B3GALT1: variants seen among roughly 807,000 people sequenced by gnomAD.
B3GALT1 encodes the protein beta-1,3-galactosyltransferase 1.
Under a neutral mutation model 23.2 loss-of-function variants are expected in B3GALT1, and 10 were observed. The observed-to-expected ratio is 0.43, with a 90% CI of 0.27 to 0.73. The LOEUF (loss-of-function observed/expected upper bound fraction) is 0.73. B3GALT1 is among the 30% of genes least tolerant of loss of function. The pLI, the probability that B3GALT1 is intolerant of heterozygous loss-of-function variation, is 0.21. For synonymous variants in B3GALT1, 156 were observed against 141.5 expected (o/e 1.10, Z -0.73); for missense variants, 299 against 405.4 (o/e 0.74, Z 2.25).
intron 3 of B3GALT1, among the ~76,000 whole-genome samples, chr2:167,735,194 T>C (rs1177471943): frequency 6.6e-6 from 1 of 152,212 alleles, no homozygotes; most frequent in East Asian, 1.9e-4. Flanking sequence ...AGAAATAGCT[T>C]AGGTCAGCTA....
intron 3 of B3GALT1, among the ~76,000 whole-genome samples, chr2:167,727,381 G>A (rs190087041): frequency 1.1e-4 from 16 of 152,198 alleles, no homozygotes; most frequent in African/African-American, 2.9e-4. Flanking sequence ...CTAAAGACCT[G>A]AATTTAATCA....
intron 3 of B3GALT1, among the ~76,000 whole-genome samples, chr2:167,688,077 CACTATACATATTTGTCTACAGTTTG>C (rs1686646196): frequency 6.6e-6 from 1 of 152,006 alleles, no homozygotes. Context: ...AATATAATCA[CACTATACATATTTGTCTACAGTTTG>C]ATAGCTTAAA....
intron 1 of B3GALT1, among the ~76,000 whole-genome samples, chr2:167,350,891 T>C (rs1280584006): frequency 2.0e-5 from 3 of 152,238 alleles, no homozygotes; most frequent in African/African-American, 7.2e-5. Flanking sequence ...ATCTCTTCCC[T>C]GGGTATTCCT....
chr2:167,371,189 ATT>A (rs544507824), intron 1 of B3GALT1, among the ~76,000 whole-genome samples: 1 of 147,284 alleles, frequency 6.8e-6, no homozygotes. Flanking sequence ...AGGGCAGGTG[ATT>A]TTTTTTTTTT....
At chr2:167,686,274 A>ATACT (rs1686615200) in intron 3 of B3GALT1, among the ~76,000 whole-genome samples, 1 of 152,230 alleles carries the variant, frequency 6.6e-6, no homozygotes, top group African/African-American at 2.4e-5. Context: ...CCACAGTTAT[A>ATACT]TACTAGGTTA....
At chr2:167,580,605 G>C (rs1201592685) in intron 2 of B3GALT1, among the ~76,000 whole-genome samples, 1 of 152,086 alleles carries the variant, frequency 6.6e-6, no homozygotes, top group Non-Finnish European at 1.5e-5. Flanking sequence ...ACCACTCTCT[G>C]TTGGGCCTGA....
chr2:167,382,306 TTTTG>T (rs1267841287), intron 1 of B3GALT1, among the ~76,000 whole-genome samples: 1 of 151,986 alleles, frequency 6.6e-6, no homozygotes, highest in Admixed American at 6.5e-5. Flanking sequence ...TTTCTCTCTT[TTTTG>T]TTTCTTTTTT....
chr2:167,318,267 G>C (rs1696749955), intron 1 of B3GALT1, among the ~76,000 whole-genome samples: 1 of 151,526 alleles, frequency 6.6e-6, no homozygotes, highest in Non-Finnish European at 1.5e-5. Flanking sequence ...GGAGGTTGCG[G>C]TGAGCCGAGA....
chr2:167,547,973 C>T (rs1052062773), intron 2 of B3GALT1, among the ~76,000 whole-genome samples: 4 of 152,180 alleles, frequency 2.6e-5, no homozygotes, highest in Admixed American at 2.0e-4. Context: ...GATTCTAAAC[C>T]TTTCTCTAGA....
At chr2:167,684,464 C>T (rs940099839) in intron 3 of B3GALT1, among the ~76,000 whole-genome samples, 1 of 152,156 alleles carries the variant, frequency 6.6e-6, no homozygotes, top group Admixed American at 6.5e-5. Context: ...CTAATTAACC[C>T]TCTCACCTTT....
intron 4 of B3GALT1, among the ~76,000 whole-genome samples, chr2:167,855,118 A>G (rs146119655): frequency 5.9e-5 from 9 of 152,264 alleles, no homozygotes; most frequent in Admixed American, 2.0e-4. Context: ...TAGCACACCT[A>G]CACTGTGAAA....
In B3GALT1 at chr2:167,469,069, G is replaced by A. The variant is rs970945942; in HGVS notation, c.-510-21108G>A. 6.6e-5 allele frequency among the ~76,000 whole-genome samples: 10 copies of A among 152,246 alleles called. No homozygotes were observed. The South Asian group carries it at 1.7e-3, about 25-fold the overall frequency. On this transcript the variant is annotated intron_variant, in intron 1 of 4. Transcript: ENST00000392690. ...TGAAGGTGCAAGGACCTCCTGTGAC[G>A]CTATTCCTGAATAGTCTGAAACACT... is the stretch of plus-strand genomic sequence containing the variant.
chr2:167,453,839 G>A (rs1022907937), intron 1 of B3GALT1, among the ~76,000 whole-genome samples: 6 of 152,172 alleles, frequency 3.9e-5, no homozygotes, highest in African/African-American at 1.4e-4. Context: ...AGTTCTGTCA[G>A]GCTCATTGAA....
In B3GALT1 at chr2:167,609,099, T is replaced by C. The variant is rs181414659; in HGVS notation, c.-409-37810T>C. On this transcript the variant is annotated intron_variant, in intron 2 of 4. Coordinates refer to ENST00000392690, the MANE Select transcript of B3GALT1 (RefSeq NM_020981.4). ...ATGGGACCCATGACTTACTTATATT[T>C]ATAACCTCTTGGCTACTTTCTAATT... 6.6e-5 allele frequency among the ~76,000 whole-genome samples: 10 copies of C among 152,310 alleles called. No homozygotes were observed. In the East Asian group the frequency reaches 1.9e-3, roughly 29 times the overall value.
chr2:167,355,952 A>G (rs1195200607), intron 1 of B3GALT1, among the ~76,000 whole-genome samples: 2 of 152,214 alleles, frequency 1.3e-5, no homozygotes, highest in African/African-American at 2.4e-5. Flanking sequence ...ATATGGAAGA[A>G]AGAGATCAAA....
chr2:167,849,815 G>A (rs1441225080), intron 4 of B3GALT1, among the ~76,000 whole-genome samples: 4 of 151,592 alleles, frequency 2.6e-5, no homozygotes, highest in Non-Finnish European at 4.4e-5. Flanking sequence ...GCGTGAACCC[G>A]GGAGGCGGAG....
chr2:167,395,906 G>A (rs2105285945), intron 1 of B3GALT1, among the ~76,000 whole-genome samples: 1 of 152,252 alleles, frequency 6.6e-6, no homozygotes, highest in African/African-American at 2.4e-5. Flanking sequence ...GAATTTCACA[G>A]TTTGACAATA....
At chr2:167,331,245 C>T (rs911905444) in intron 1 of B3GALT1, among the ~76,000 whole-genome samples, 23 of 152,164 alleles carry the variant, frequency 1.5e-4, no homozygotes, top group Non-Finnish European at 3.1e-4. Context: ...GCGGGCTGAA[C>T]ATGCTTGCCC....
intron 2 of B3GALT1, among the ~76,000 whole-genome samples, chr2:167,571,099 T>C (rs1468710958): frequency 1.3e-5 from 2 of 151,956 alleles, no homozygotes; most frequent in Non-Finnish European, 2.9e-5. Context: ...CTTCCAGGTA[T>C]CACATTCTAA....
Sources: allele counts gnomAD v4.1 joint callset (sites outside exome capture counted in the v4.1 genomes callset), GRCh38; gene constraint gnomAD v4.1.1; transcripts MANE v1.5; gene names NCBI Gene and HGNC (gene_info 2026-07-23, HGNC 2026-07-21).